The following WARS1 variants were observed in gnomAD, a reference collection of about 807,000 sequenced individuals.
WARS1 encodes tryptophanyl-tRNA synthetase 1.
In WARS1, 17 loss-of-function variants were observed where a neutral mutation model predicts 47.8. The observed-to-expected ratio is 0.36, with a 90% confidence interval of 0.24 to 0.53. The LOEUF (loss-of-function observed/expected upper bound fraction) is 0.53. Among genes scored for constraint, WARS1 ranks in the 20% least tolerant of loss-of-function variants. WARS1 has a pLI of 0.91. For missense variants in WARS1, 434 were observed against 608.0 expected, an observed-to-expected ratio of 0.71 and a Z score of 3.01; for synonymous variants, 208 against 228.1, an observed-to-expected ratio of 0.91 and a Z score of 0.79.
At position 100,353,826 on chromosome 14, in the gene WARS1, T is replaced by C. The variant is rs780118271; in HGVS notation, c.586A>G (p.Thr196Ala). Residue 196 changes from threonine (T) to alanine (A), a missense_variant, in exon 6 of 11, where the codon ACG becomes GCG. Transcript: ENST00000392882. The stretch of plus-strand genomic sequence containing the variant: ...TTCCACAGATACTTCTCGTCATCCG[T>C]CATCTGGATGACCAAGGGCACGTTA... ...VFNVPLVIQM[T>A]DDEKYLWKDL... 18 of 1,614,080 alleles carry C rather than the reference T, an allele frequency of 1.1e-5. No homozygotes were observed. The Admixed American group carries it at 2.8e-4, about 25-fold the overall frequency.
At chr14:100,341,168 G>A (rs1194979121) in intron 9 of WARS1, among the ~76,000 whole-genome samples, 2 of 151,998 alleles carry the variant, frequency 1.3e-5, no homozygotes, top group African/African-American at 2.4e-5. Context: ...CACCTGCCTC[G>A]GCCTCTCAAA....
chr14:100,359,183 T>C (rs1163968882), intron 4 of WARS1, among the ~76,000 whole-genome samples: 2 of 152,120 alleles, frequency 1.3e-5, no homozygotes, highest in Middle Eastern at 3.2e-3. Flanking sequence ...CCCAAGAGAA[T>C]TGAAAACATA....
Position 100,337,012 on chromosome 14 carries a change from A to G in WARS1, c.1254+50T>C, listed in dbSNP as rs753387848. On this transcript the variant is annotated intron_variant, in intron 10 of 10. Transcript: ENST00000392882. Reference sequence around the variant, plus strand: ...TTGGAGCCTTCCAGGCCCCATGGGCAGGAGTGGGTGGCAGAAGGCGGCTGT... The same window carrying G: ...TTGGAGCCTTCCAGGCCCCATGGGCGGGAGTGGGTGGCAGAAGGCGGCTGT... The G allele has an allele frequency of 5.0e-6, 8 of 1,596,484 alleles. No homozygotes were observed. The Admixed American group carries it at 1.3e-4, about 27-fold the overall frequency.
At chr14:100,350,983 A>G (rs1460481704) in intron 6 of WARS1, among the ~76,000 whole-genome samples, 1 of 152,192 alleles carries the variant, frequency 6.6e-6, no homozygotes, top group East Asian at 1.9e-4. Context: ...CAGAGCATGT[A>G]CAAAGGAGAA....
At chr14:100,351,756 G>T (rs1894995309) in intron 6 of WARS1, among the ~76,000 whole-genome samples, 2 of 152,140 alleles carry the variant, frequency 1.3e-5, no homozygotes, top group South Asian at 4.1e-4. Context: ...TGCTTTGGGA[G>T]GCCGAGGCAG....
Position 100,346,821 on chromosome 14 carries a change from C to T in WARS1, c.751G>A (p.Val251Met). 1 of 1,613,992 alleles carries T rather than the reference C, an allele frequency of 6.2e-7. No individual in the cohort carries two copies. Residue 251 changes from valine (V) to methionine (M), a missense_variant, in exon 7 of 11, where the codon GTG (valine) becomes ATG (methionine). This residue lies in a region of WARS1 where 347 missense variants were observed against 523.8 expected (regional missense o/e 0.66). Coordinates refer to ENST00000392882, the MANE Select transcript of WARS1 (RefSeq NM_004184.4). ...GTAACATGCTTTTGAATCTTCACCA[C>T]ATTTTTGTAGAAACCTGAGCTCATC... Reference protein sequence around the residue: ...MGMSSGFYKNVVKIQKHVTFN... With the variant: ...MGMSSGFYKNMVKIQKHVTFN...
chr14:100,340,035 A>G (rs1474478096), intron 9 of WARS1: 3 of 152,172 alleles, frequency 2.0e-5, no homozygotes, highest in African/African-American at 7.2e-5. Context: ...CAACAACCCA[A>G]TGACCTCTGT....
At chr14:100,336,943 T>G in intron 10 of WARS1, 119 bp downstream of exon 10, 5 of 1,389,350 alleles carry the variant, frequency 3.6e-6, no homozygotes, top group Non-Finnish European at 4.9e-6. Context: ...AGTTTTCACC[T>G]TGTTTCAGTT....
Position 100,339,021 on chromosome 14 carries a change from G to A in WARS1, c.1114-1819C>T, listed in dbSNP as rs1359385568. ...TTTGGGAGGTTGAGGCAGGAGAATC[G>A]CTTGAACCCGGGAGGCGGAGGTTGT... On this transcript the variant is annotated intron_variant, in intron 9 of 10. Transcript: ENST00000392882. Among the ~76,000 whole-genome samples the A allele has an allele frequency of 2.6e-5, 4 of 151,844 alleles. No individual in the cohort carries two copies. The South Asian group carries it at 6.3e-4, about 24-fold the overall frequency.
intron 7 of WARS1, among the ~76,000 whole-genome samples, chr14:100,343,653 T>TC (rs1460506536): frequency 1.3e-5 from 2 of 152,134 alleles, no homozygotes; most frequent in African/African-American, 4.8e-5. Flanking sequence ...CTTTTTTTTT[T>TC]CTCAGAAGGA....
At chr14:100,345,782 C>T (rs1040867771) in intron 7 of WARS1, among the ~76,000 whole-genome samples, 1 of 152,228 alleles carries the variant, frequency 6.6e-6, no homozygotes, top group African/African-American at 2.4e-5. Context: ...CTTAGACCTG[C>T]AGAAGCAGAA....
At chr14:100,338,588 C>T (rs572340673) in intron 9 of WARS1, among the ~76,000 whole-genome samples, 1 of 148,160 alleles carries the variant, frequency 6.7e-6, no homozygotes, top group South Asian at 2.2e-4. Flanking sequence ...TTTTTTGTCA[C>T]CATGCCCGGC....
intron 2 of WARS1, chr14:100,366,548 G>A (rs1896009081): frequency 3.5e-6 from 2 of 579,702 alleles, no homozygotes; most frequent in Non-Finnish European, 3.2e-6. Flanking sequence ...AAAGGATGTA[G>A]AGGACATATG....
intron 6 of WARS1, among the ~76,000 whole-genome samples, chr14:100,351,499 C>CA (rs71464656): frequency 9.4e-4 from 108 of 115,050 alleles, no homozygotes; most frequent in African/African-American, 2.1e-3. Flanking sequence ...GACTCTGTCT[C>CA]AAAAAAAAAA....
At chr14:100,343,250 G>A (rs1461633992) in intron 8 of WARS1, 25 bp downstream of exon 8, 4 of 1,582,756 alleles carry the variant, frequency 2.5e-6, no homozygotes, top group African/African-American at 1.4e-5. Flanking sequence ...CAGACTTAGA[G>A]AGCCTTGCTT....
chr14:100,356,165 T>C (rs7157522), intron 4 of WARS1, among the ~76,000 whole-genome samples: 9,249 of 152,236 alleles, frequency 0.061, 432 homozygotes, highest in African/African-American at 0.12. Flanking sequence ...TAATCCCCAA[T>C]TTTACAGATG....
rs755527132 is a variant in WARS1 at position 100,335,041 on chromosome 14, C to A, written c.1255-5G>T. ...CATGGCTCCGCTGGTGTAATCCTGC[C>A]CGGAGGGAGACAGCCACGTGAGAGA... On this transcript the variant is annotated splice_polypyrimidine_tract_variant and splice_region_variant and intron_variant, in intron 10 of 10. Coordinates refer to ENST00000392882, the MANE Select transcript of WARS1 (RefSeq NM_004184.4). The A allele has an allele frequency of 1.2e-6, 2 of 1,611,718 alleles. No individual in the cohort carries two copies. Among genetic ancestry groups the A allele is most frequent in the Non-Finnish European group, 1.7e-6 (2 of 1,178,362 alleles).
At chr14:100,339,223 C>A (rs1473393650) in intron 9 of WARS1, among the ~76,000 whole-genome samples, 2 of 152,084 alleles carry the variant, frequency 1.3e-5, no homozygotes, top group Non-Finnish European at 2.9e-5. Context: ...GGCAAAGGCG[C>A]CTGTCTCCAT....
At chr14:100,366,991 C>G in intron 2 of WARS1, 1 of 1,237,098 alleles carries the variant, frequency 8.1e-7, no homozygotes, top group Non-Finnish European at 1.2e-6. Flanking sequence ...CTGTAGCCTA[C>G]TCGTCTGGTT....
Sources: gnomAD v4.1 joint callset for allele counts (sites outside exome capture counted in the v4.1 genomes callset) on GRCh38, gnomAD v4.1.1 for gene constraint, gnomAD v4.1.1 regional missense constraint, MANE v1.5 for transcripts, NCBI Gene and HGNC (gene_info 2026-07-23, HGNC 2026-07-21) for gene names.